The following DPYD variants were observed in gnomAD, a reference collection of about 807,000 sequenced individuals.
DPYD encodes dihydropyrimidine dehydrogenase, also known as dihydropyrimidine dehydrogenase [NADP(+)].
DPYD carries 109 observed loss-of-function variants against 116.2 expected under a neutral mutation model. The ratio of observed to expected loss-of-function variants is 0.94; its 90% CI spans 0.80 to 1.10. DPYD has a LOEUF of 1.10. Among genes scored for constraint, DPYD ranks in the 50% least tolerant of loss-of-function variants. The pLI is 0.00. For missense variants in DPYD, 1,302 were observed against 1,254.5 expected (o/e 1.04, Z -0.57); for synonymous variants, 440 against 432.0 (o/e 1.02, Z -0.23).
chr1:97,790,101 C>T (rs149748222), intron 3 of DPYD, among the ~76,000 whole-genome samples: 144 of 152,234 alleles, frequency 9.5e-4, no homozygotes, highest in Middle Eastern at 3.4e-3. Context: ...CTGGGACCTA[C>T]GTTGTAAACT....
chr1:97,243,903 T>C (rs955654111), intron 18 of DPYD, among the ~76,000 whole-genome samples: 1 of 151,894 alleles, frequency 6.6e-6, no homozygotes, highest in African/African-American at 2.4e-5. Flanking sequence ...ATACTAGCTA[T>C]AACTAAAGAT....
intron 16 of DPYD, among the ~76,000 whole-genome samples, chr1:97,355,008 T>A (rs1670351335): frequency 6.6e-6 from 1 of 152,176 alleles, no homozygotes; most frequent in African/African-American, 2.4e-5. Context: ...AATAGGCACT[T>A]TGCCTAGAAT....
At chr1:97,486,418 C>T (rs1678640247) in intron 13 of DPYD, among the ~76,000 whole-genome samples, 1 of 152,096 alleles carries the variant, frequency 6.6e-6, no homozygotes, top group African/African-American at 2.4e-5. Flanking sequence ...AACTTTATGA[C>T]AGATCGTTCA....
intron 18 of DPYD, among the ~76,000 whole-genome samples, chr1:97,271,721 T>C (rs1664594352): frequency 6.6e-6 from 1 of 151,988 alleles, no homozygotes; most frequent in Non-Finnish European, 1.5e-5. Flanking sequence ...ACTACTGTTT[T>C]GTACCTTACC....
At chr1:97,578,936 T>C (rs899131058) in intron 10 of DPYD, among the ~76,000 whole-genome samples, 14 of 152,192 alleles carry the variant, frequency 9.2e-5, no homozygotes, top group Admixed American at 6.5e-5. Context: ...GGATATTAGA[T>C]ACACAGAACA....
chr1:97,841,428 C>G (rs1349945714), intron 2 of DPYD, among the ~76,000 whole-genome samples: 2 of 151,942 alleles, frequency 1.3e-5, no homozygotes, highest in Non-Finnish European at 2.9e-5. Context: ...TCTATCAACA[C>G]AGCCTGGAAA....
chr1:97,435,864 A>C (rs542209417), intron 14 of DPYD, among the ~76,000 whole-genome samples: 1 of 151,968 alleles, frequency 6.6e-6, no homozygotes, highest in African/African-American at 2.4e-5. Flanking sequence ...GGGGAGAAAA[A>C]AAATATATAG....
At chr1:97,441,909 G>A (rs1675818164) in intron 14 of DPYD, among the ~76,000 whole-genome samples, 1 of 151,932 alleles carries the variant, frequency 6.6e-6, no homozygotes, top group Non-Finnish European at 1.5e-5. Flanking sequence ...CTCAGCCTGG[G>A]GCTAATTATT....
intron 5 of DPYD, chr1:97,720,805 A>G: frequency 6.4e-7 from 1 of 1,561,828 alleles, no homozygotes; most frequent in Non-Finnish European, 8.6e-7. Context: ...TGATCATTTA[A>G]ATGATACATG....
At chr1:97,249,589 C>T (rs911292603) in intron 18 of DPYD, among the ~76,000 whole-genome samples, 12 of 150,374 alleles carry the variant, frequency 8.0e-5, no homozygotes, top group Admixed American at 1.3e-4. Flanking sequence ...TTAAAAGCAA[C>T]GACTAATTTA....
At chr1:97,749,264 A>T (rs1388579080) in intron 3 of DPYD, among the ~76,000 whole-genome samples, 1 of 152,182 alleles carries the variant, frequency 6.6e-6, no homozygotes. Flanking sequence ...CTCTTCTTTA[A>T]TGTGGAAGGA....
At chr1:97,116,514 A>T (rs1043797039) in intron 20 of DPYD, among the ~76,000 whole-genome samples, 1 of 151,930 alleles carries the variant, frequency 6.6e-6, no homozygotes, top group South Asian at 2.1e-4. Flanking sequence ...TCTACAAAAA[A>T]TACAAAACTT....
At chr1:97,838,323 A>C (rs1269284073) in intron 2 of DPYD, among the ~76,000 whole-genome samples, 1 of 152,226 alleles carries the variant, frequency 6.6e-6, no homozygotes, top group African/African-American at 2.4e-5. Flanking sequence ...ATATAAATCC[A>C]GATATAATAG....
intron 13 of DPYD, 46 bp from the exon 14 acceptor site, chr1:97,450,269 G>A (rs760511242): frequency 6.2e-7 from 1 of 1,602,518 alleles, no homozygotes. Flanking sequence ...ACAAAGAAAA[G>A]CTATAATCTT....
intron 8 of DPYD, among the ~76,000 whole-genome samples, chr1:97,647,826 T>A (rs931340768): frequency 2.0e-5 from 3 of 152,028 alleles, no homozygotes; most frequent in Non-Finnish European, 4.4e-5. Context: ...CAAAATTATG[T>A]CCAAAAAGGA....
intron 13 of DPYD, among the ~76,000 whole-genome samples, chr1:97,476,848 T>C (rs2101868759): frequency 1.3e-5 from 2 of 152,346 alleles, no homozygotes; most frequent in Middle Eastern, 3.4e-3. Flanking sequence ...CACACAATTA[T>C]TTTTTGTTTC....
At chr1:97,292,059 C>A (rs1666220368) in intron 18 of DPYD, among the ~76,000 whole-genome samples, 1 of 151,940 alleles carries the variant, frequency 6.6e-6, no homozygotes, top group Non-Finnish European at 1.5e-5. Flanking sequence ...ACTAAAGTTG[C>A]ATGTATCAGA....
chr1:97,086,205 C>T (rs1034098855), intron 21 of DPYD, among the ~76,000 whole-genome samples: 20 of 152,150 alleles, frequency 1.3e-4, no homozygotes, highest in Non-Finnish European at 2.8e-4. Context: ...AGGCGCCCGC[C>T]ACCACGCCCG....
At chr1:97,700,234 A>G in intron 5 of DPYD, 2 of 455,936 alleles carry the variant, frequency 4.4e-6, no homozygotes, top group Non-Finnish European at 8.8e-6. Context: ...CACAGCTCAG[A>G]AAAGAGATGT....
Sources: gnomAD v4.1 joint callset for allele counts (sites outside exome capture counted in the v4.1 genomes callset) on GRCh38, gnomAD v4.1.1 for gene constraint, MANE v1.5 for transcripts, NCBI Gene and HGNC (gene_info 2026-07-23, HGNC 2026-07-21) for gene names.